AMMECR1L: variants seen among roughly 807,000 people sequenced by gnomAD.
AMMECR1L encodes AMMECR1-like protein.
AMMECR1L carries 4 observed loss-of-function variants against 36.8 expected under a neutral mutation model. The ratio of observed to expected loss-of-function variants is 0.11; its 90% CI spans 0.05 to 0.25. The LOEUF is 0.25. Among genes scored for constraint, AMMECR1L ranks in the 10% least tolerant of loss-of-function variants. The pLI is 1.00. For synonymous variants in AMMECR1L, 147 were observed against 148.0 expected, an observed-to-expected ratio of 0.99 and a Z score of 0.05; for missense variants, 232 against 392.1, an observed-to-expected ratio of 0.59 and a Z score of 3.45.
chr2:127,868,414 T>A (rs1017214599), intron 6 of AMMECR1L, among the ~76,000 whole-genome samples: 4 of 152,200 alleles, frequency 2.6e-5, no homozygotes, highest in Non-Finnish European at 5.9e-5. Flanking sequence ...TTATGCCACA[T>A]ATACACTGCT....
Position 127,864,959 on chromosome 2 carries a change from C to T in AMMECR1L, c.*135G>A, listed in dbSNP as rs1690619106. On this transcript the variant is annotated 3_prime_UTR_variant, in exon 8 of 8. Coordinates refer to ENST00000272647, the MANE Select transcript of AMMECR1L (RefSeq NM_001199140.2). ...CCTCCCTCAGTCAGCGGGAGGCAGA[C>T]TTGGCAACGGAAGCTAGCATCATAA... 1.5e-6 allele frequency: 1 copy of T among 649,874 alleles called. No homozygotes were observed. The highest frequency in any genetic ancestry group is 1.8e-5 in the African/African-American group (1 of 54,218). 40.3% of individuals were successfully genotyped at this position (649,874 alleles called of 1,614,324 possible).
In AMMECR1L at chr2:127,885,837, G is replaced by A. The variant is rs918126623; in HGVS notation, c.-176C>T. On this transcript the variant is annotated 5_prime_UTR_variant, in exon 1 of 8. Transcript: ENST00000272647. ...TTTCTCCTGGCCCAGACGCGGCTGG[G>A]GCGGACGGGACCTCTCGCGCTCTGC... is the stretch of plus-strand genomic sequence containing the variant. 1.0e-6 allele frequency: 1 copy of A among 985,532 alleles called. No homozygotes were observed. Among genetic ancestry groups the A allele is most frequent in the Non-Finnish European group, 1.2e-6 (1 of 829,868 alleles). The allele number at this position is 985,532 out of a possible 1,614,324, so 61.0% of individuals were successfully genotyped here. A position where few individuals can be genotyped will look rare whatever the true frequency, so the allele number is the denominator to read the frequency against.
chr2:127,873,419 G>A lies in AMMECR1L; in HGVS notation c.407+409C>T, dbSNP rs75752925. ...CCTGTTAACCAAATCGCAGATCCCA[G>A]TGAATGAGAGCTCCTAGTCTCCAGC... On this transcript the variant is annotated intron_variant, in intron 3 of 7. Coordinates refer to ENST00000272647, the MANE Select transcript of AMMECR1L (RefSeq NM_001199140.2). This position sits in a 1 kb window ranked among gnomAD's most constrained non-coding sequence, Gnocchi z 5.2. 1.0e-6 allele frequency: 1 copy of A among 985,304 alleles called. No individual in the cohort carries two copies. The highest frequency in any genetic ancestry group is 1.7e-5 in the African/African-American group (1 of 57,242). 61.0% of individuals were successfully genotyped at this position (985,304 alleles called of 1,614,324 possible).
chr2:127,885,269 G>A (rs1383833834), intron 1 of AMMECR1L: 14 of 983,886 alleles, frequency 1.4e-5, no homozygotes, highest in Non-Finnish European at 1.6e-5. Context: ...GGAAAAGCGG[G>A]CCGAGGGACA....
In AMMECR1L at chr2:127,874,069, C is replaced by T; in HGVS notation, c.166G>A (p.Asp56Asn). ...ACATTCTCCCGTCCACTGCTGCTGTCCACATGCTGGTGGTTTTGAAGAGGT... is the reference window on the plus strand; with the variant it reads ...ACATTCTCCCGTCCACTGCTGCTGTTCACATGCTGGTGGTTTTGAAGAGGT... The part of the protein sequence containing the change: ...SGPLQNHQHV[D>N]SSSGRENVSD... The change falls in exon 3 of 8, where the codon GAC (aspartate) becomes AAC (asparagine). Residue 56 changes from aspartate to asparagine, a missense_variant. Around this residue, in one of 3 missense-constraint regions of AMMECR1L, gnomAD observed 109 missense variants for 128.1 expected, o/e 0.85. Transcript: ENST00000272647. The surrounding 1 kb of genome is among the most constrained non-coding windows in gnomAD (Gnocchi z 5.2). 6.2e-7 allele frequency: 1 copy of T among 1,614,224 alleles called. No homozygotes were observed. Among genetic ancestry groups the T allele is most frequent in the Non-Finnish European group, 8.5e-7 (1 of 1,180,050 alleles).
intron 2 of AMMECR1L, among the ~76,000 whole-genome samples, chr2:127,875,577 A>C (rs993956571): frequency 6.6e-6 from 1 of 152,232 alleles, no homozygotes; most frequent in Non-Finnish European, 1.5e-5. Flanking sequence ...CATTATTTCT[A>C]AACAACTTGT....
chr2:127,880,559 G>A (rs571986525), intron 2 of AMMECR1L, among the ~76,000 whole-genome samples: 7 of 152,080 alleles, frequency 4.6e-5, no homozygotes, highest in African/African-American at 9.6e-5. Flanking sequence ...CACACTCAAG[G>A]GGGCCCTGAA....
Position 127,871,595 on chromosome 2 carries a change from T to C in AMMECR1L, c.408-236A>G, listed in dbSNP as rs1221434337. Among the ~76,000 whole-genome samples the C allele has an allele frequency of 4.6e-5, 7 of 152,234 alleles. No individual in the cohort carries two copies. The highest frequency in any genetic ancestry group is 7.3e-5 in the Non-Finnish European group (5 of 68,042). On this transcript the variant is annotated intron_variant, in intron 3 of 7. Coordinates refer to ENST00000272647, the MANE Select transcript of AMMECR1L (RefSeq NM_001199140.2). This position sits in a 1 kb window ranked among gnomAD's most constrained non-coding sequence, Gnocchi z 4.3. ...TCCGTGTAGTGGTTCCCATGTTCCA[T>C]GCTGACAGCTTTAATTCACTTTGCC...
chr2:127,869,298 C>T lies in AMMECR1L; in HGVS notation c.724+156G>A, dbSNP rs1418237630. Among the ~76,000 whole-genome samples the T allele has an allele frequency of 6.6e-6, 1 of 152,168 alleles. No homozygotes were observed. The highest frequency in any genetic ancestry group is 1.5e-5 in the Non-Finnish European group (1 of 68,032). On this transcript the variant is annotated intron_variant, in intron 6 of 7. Coordinates refer to ENST00000272647, the MANE Select transcript of AMMECR1L (RefSeq NM_001199140.2). The surrounding 1 kb of genome is among the most constrained non-coding windows in gnomAD (Gnocchi z 4.7). ...TCCTAAACCTTTTTGGAAGTTTACC[C>T]TTGGTTCTATAGGAATTTGACAGGT... is the stretch of plus-strand genomic sequence containing the variant.
chr2:127,885,142 G>A, intron 1 of AMMECR1L: 1 of 985,156 alleles, frequency 1.0e-6, no homozygotes, highest in Non-Finnish European at 1.2e-6. Context: ...TGGAATGGGG[G>A]GCCAGCGGAG....
chr2:127,876,315 A>T (rs1691240396), intron 2 of AMMECR1L, among the ~76,000 whole-genome samples: 1 of 146,754 alleles, frequency 6.8e-6, no homozygotes. Flanking sequence ...ATGCCACTGC[A>T]CTCCAGCCTG....
Position 127,869,196 on chromosome 2 carries a change from T to C in AMMECR1L, c.724+258A>G, listed in dbSNP as rs192219745. Among the ~76,000 whole-genome samples the C allele has an allele frequency of 9.3e-4, 141 of 152,312 alleles. No individual in the cohort carries two copies. The highest frequency in any genetic ancestry group is 1.4e-3 in the Non-Finnish European group (96 of 68,020). The stretch of plus-strand genomic sequence containing the variant: ...CACTGTAGTTTAAGGGGCTAAGAAA[T>C]AAAACTATTCATTGAAAAGAAGTGT... On this transcript the variant is annotated intron_variant, in intron 6 of 7. Transcript: ENST00000272647. This position sits in a 1 kb window ranked among gnomAD's most constrained non-coding sequence, Gnocchi z 4.7.
chr2:127,870,452 G>T (rs1190985135), intron 5 of AMMECR1L, among the ~76,000 whole-genome samples: 1 of 151,944 alleles, frequency 6.6e-6, no homozygotes, highest in Non-Finnish European at 1.5e-5. Flanking sequence ...TCCAGCCTGG[G>T]GAACAAGAAC....
Position 127,882,441 on chromosome 2 carries a change from T to C in AMMECR1L, c.-39+1762A>G, listed in dbSNP as rs146103587. Among the ~76,000 whole-genome samples the C allele has an allele frequency of 1.5e-4, 23 of 152,352 alleles. No individual in the cohort carries two copies. The East Asian group carries it at 3.7e-3, about 24-fold the overall frequency. ...CTGAGCTATAATTCTGTCCTACTTATGGAACTATTCCAGGAAACAGTCAGA... is the reference window on the plus strand; with the variant it reads ...CTGAGCTATAATTCTGTCCTACTTACGGAACTATTCCAGGAAACAGTCAGA... On this transcript the variant is annotated intron_variant, in intron 2 of 7. Coordinates refer to ENST00000272647, the MANE Select transcript of AMMECR1L (RefSeq NM_001199140.2).
At position 127,885,534 on chromosome 2, in the gene AMMECR1L, C is replaced by T. The variant is rs1267932438; in HGVS notation, c.-149+276G>A. On this transcript the variant is annotated intron_variant, in intron 1 of 7. Transcript: ENST00000272647. ...GCAGACAAGGACCAGGAGCGGGAGC[C>T]GAGCCTCGCGGCCCGGGGCACGGCG... 7.1e-6 allele frequency: 7 copies of T among 984,032 alleles called. No homozygotes were observed. In the East Asian group the frequency reaches 5.7e-4, roughly 81 times the overall value. 61.0% of individuals were successfully genotyped at this position (984,032 alleles called of 1,614,324 possible).
rs759178800 is a variant in AMMECR1L at position 127,866,915 on chromosome 2, G to A, written c.806C>T (p.Thr269Met). The change falls in exon 7 of 8, where the codon ACG becomes ATG. Residue 269 changes from threonine to methionine, a missense_variant. Physicochemically the swap from Thr to Met is moderately conservative, Grantham distance 81. Coordinates refer to ENST00000272647, the MANE Select transcript of AMMECR1L (RefSeq NM_001199140.2). ...AATGGCTTACCTGGTGAGTTTGATC[G>A]TTTTTCTGAATTCACTGGTAATTGG... ...KAPITSEFRK[T>M]IKLTRYRSEK... 9.3e-6 allele frequency: 15 copies of A among 1,614,028 alleles called. No individual in the cohort carries two copies. Among genetic ancestry groups the A allele is most frequent in the Non-Finnish European group, 1.2e-5 (14 of 1,179,968 alleles).
In AMMECR1L at chr2:127,865,611, T is replaced by G. The variant is rs1356852152; in HGVS notation, c.822-406A>C. Among the ~76,000 whole-genome samples the G allele has an allele frequency of 6.6e-6, 1 of 152,192 alleles. No homozygotes were observed. Among genetic ancestry groups the G allele is most frequent in the East Asian group, 1.9e-4 (1 of 5,202 alleles). On this transcript the variant is annotated intron_variant, in intron 7 of 7. Transcript: ENST00000272647. This position sits in a 1 kb window ranked among gnomAD's most constrained non-coding sequence, Gnocchi z 5.4. ...TACTTCCAGAGTAAATGTGATACAT[T>G]TGACAGAAATGCAACCTCAATTCGC...
Position 127,885,183 on chromosome 2 carries a change from G to A in AMMECR1L, c.-149+627C>T, listed in dbSNP as rs1477233572. On this transcript the variant is annotated intron_variant, in intron 1 of 7. Transcript: ENST00000272647. ...GGAAGGAGGGCCCAAGAGTAGGGGTGCGAAAAAGAGAAGAGGAGGAGGAGA... is the reference window on the plus strand; with the variant it reads ...GGAAGGAGGGCCCAAGAGTAGGGGTACGAAAAAGAGAAGAGGAGGAGGAGA... 5 of 985,100 alleles carry A rather than the reference G, an allele frequency of 5.1e-6. No homozygotes were observed. In the African/African-American group the frequency reaches 8.7e-5, roughly 17 times the overall value. The allele number at this position is 985,100 out of a possible 1,614,324, so 61.0% of individuals were successfully genotyped here. A position where few individuals can be genotyped will look rare whatever the true frequency, so the allele number is the denominator to read the frequency against.
Position 127,869,045 on chromosome 2 carries a change from CA to C in AMMECR1L, c.724+408del, listed in dbSNP as rs995779530. Among the ~76,000 whole-genome samples the C allele has an allele frequency of 4.3e-4, 65 of 152,148 alleles. No individual in the cohort carries two copies. Among genetic ancestry groups the C allele is most frequent in the Non-Finnish European group, 3.7e-4 (25 of 68,024 alleles). ...GCCGACTACTGAGTTCTTTAAAAAA[CA>C]GTAGGGACTATGTTTACACCCTTTG... On this transcript the variant is annotated intron_variant, in intron 6 of 7. Coordinates refer to ENST00000272647, the MANE Select transcript of AMMECR1L (RefSeq NM_001199140.2). This position sits in a 1 kb window ranked among gnomAD's most constrained non-coding sequence, Gnocchi z 4.7.
Sources: allele counts gnomAD v4.1 joint callset (sites outside exome capture counted in the v4.1 genomes callset), GRCh38; gene constraint gnomAD v4.1.1; regional missense constraint gnomAD v4.1.1; non-coding constraint Gnocchi (gnomAD v3.1); transcripts MANE v1.5; gene names NCBI Gene and HGNC (gene_info 2026-07-23, HGNC 2026-07-21).